ERCC6: variants seen among roughly 807,000 people sequenced by gnomAD.
ERCC6 encodes ERCC excision repair 6, chromatin remodeling factor, also known as DNA excision repair protein ERCC-6.
A neutral mutation model predicts 158.7 loss-of-function variants in ERCC6; 116 were observed. That is an observed-to-expected ratio of 0.73 (90% confidence interval 0.63 to 0.85). The LOEUF is 0.85. Among genes scored for constraint, ERCC6 ranks in the 40% least tolerant of loss-of-function variants. The probability of loss-of-function intolerance (pLI) is 0.00; values close to 1 mark genes in which losing one functional copy is unlikely to be tolerated. For synonymous variants in ERCC6, 678 were observed against 659.3 expected, an observed-to-expected ratio of 1.03 and a Z score of -0.43; for missense variants, 1,698 against 1,799.4, an observed-to-expected ratio of 0.94 and a Z score of 1.02.
At chr10:49,482,568 C>T in intron 10 of ERCC6, 119 bp downstream of exon 10, 1 of 668,398 alleles carries the variant, frequency 1.5e-6, no homozygotes, top group East Asian at 3.1e-5. Context: ...AACCAGATAC[C>T]AATTTATGAG....
chr10:49,436,314 C>G, the ERCC6 span, among the ~76,000 whole-genome samples: 1 of 151,996 alleles, frequency 6.6e-6, no homozygotes, highest in Non-Finnish European at 1.5e-5. Flanking sequence ...ACAGCAAACA[C>G]TAGCAATAAA....
chr10:49,459,823 C>T (rs1285244398), intron 20 of ERCC6, among the ~76,000 whole-genome samples: 3 of 152,150 alleles, frequency 2.0e-5, no homozygotes, highest in Non-Finnish European at 2.9e-5. Flanking sequence ...AACATGTTCA[C>T]ATTAACTTAA....
At chr10:49,501,028 TG>T (rs1446532773) in intron 6 of ERCC6, 1 of 267,478 alleles carries the variant, frequency 3.7e-6, no homozygotes, top group South Asian at 4.6e-5. Flanking sequence ...ACTCACTTTC[TG>T]GGGGAAAAAA....
At chr10:49,534,244 G>A (rs890553752) in intron 1 of ERCC6, among the ~76,000 whole-genome samples, 12 of 149,280 alleles carry the variant, frequency 8.0e-5, no homozygotes, top group African/African-American at 3.0e-4. Context: ...ATCCAATACA[G>A]ACAAGGAGAA....
rs753553933 is a variant in ERCC6, at chr10:49,459,170, T to C, written c.4127A>G (p.Asp1376Gly). The C allele has an allele frequency of 3.1e-6, 5 of 1,614,104 alleles. No individual in the cohort carries two copies. In the African/African-American group the frequency reaches 6.7e-5, roughly 22 times the overall value. ...GAGGGGCCCGGATGAAGAGTCTGCATCTTCTGCTCTTCCACTAAAATGCTC... is the reference window on the plus strand; with the variant it reads ...GAGGGGCCCGGATGAAGAGTCTGCACCTTCTGCTCTTCCACTAAAATGCTC... Reference protein sequence around the residue: ...VPEHFSGRAEDADSSSGPLAS... With the variant: ...VPEHFSGRAEGADSSSGPLAS... The change falls in exon 21 of 21, where the codon GAT becomes GGT. Residue 1376 changes from aspartate (D) to glycine (G), a missense_variant. By Grantham distance (94) the Asp-to-Gly change is moderately conservative. Coordinates refer to ENST00000355832, the MANE Select transcript of ERCC6 (RefSeq NM_000124.4).
intron 8 of ERCC6, 69 bp downstream of exon 8, chr10:49,493,048 G>C: frequency 6.5e-7 from 1 of 1,544,134 alleles, no homozygotes; most frequent in Non-Finnish European, 8.9e-7. Flanking sequence ...ACATGGATCA[G>C]AGAAAAACCA....
chr10:49,448,006 A>G, the ERCC6 span, among the ~76,000 whole-genome samples: 3 of 152,338 alleles, frequency 2.0e-5, no homozygotes, highest in East Asian at 3.9e-4. Context: ...GAATATTCAC[A>G]TACAAGTATT....
chr10:49,445,423 T>C, the ERCC6 span, among the ~76,000 whole-genome samples: 1 of 152,162 alleles, frequency 6.6e-6, no homozygotes, highest in Non-Finnish European at 1.5e-5. Context: ...TTGGTATATC[T>C]AGAAAATATG....
chr10:49,519,938 C>T (rs757647051), intron 5 of ERCC6, among the ~76,000 whole-genome samples: 5 of 152,168 alleles, frequency 3.3e-5, no homozygotes, highest in Non-Finnish European at 7.4e-5. Flanking sequence ...CAGGCCCCTA[C>T]CCTCTGAAGG....
intron 8 of ERCC6, among the ~76,000 whole-genome samples, chr10:49,484,278 C>CAAAAAA (rs60365716): frequency 2.1e-5 from 2 of 96,062 alleles, no homozygotes; most frequent in African/African-American, 4.6e-5. Flanking sequence ...GACTCTGCCT[C>CAAAAAA]AAAAAAAAAA....
At position 49,538,730 on chromosome 10, in the gene ERCC6, C is replaced by G. The variant is rs4253008; in HGVS notation, c.-15+232G>C. On this transcript the variant is annotated intron_variant, in intron 1 of 20. Coordinates refer to ENST00000355832, the MANE Select transcript of ERCC6 (RefSeq NM_000124.4). The stretch of plus-strand genomic sequence containing the variant: ...GTCGGAGAAGTAGCTGGGTCGCTGG[C>G]CGGCCAGGGACTCAAGCCGCCTCAG... Among the ~76,000 whole-genome samples the G allele has an allele frequency of 0.041, 6,288 of 152,300 alleles. 165 individuals carry two copies. The highest frequency in any genetic ancestry group is 0.078 in the Middle Eastern group (23 of 294).
intron 5 of ERCC6, among the ~76,000 whole-genome samples, chr10:49,510,244 T>C (rs1429199484): frequency 6.6e-6 from 1 of 152,174 alleles, no homozygotes; most frequent in African/African-American, 2.4e-5. Flanking sequence ...CCCTGAAAGC[T>C]AGTTGCTGCC....
At chr10:49,517,998 G>T (rs1837035865) in intron 5 of ERCC6, among the ~76,000 whole-genome samples, 1 of 152,134 alleles carries the variant, frequency 6.6e-6, no homozygotes, top group Non-Finnish European at 1.5e-5. Context: ...TTAAAAAAAA[G>T]GCACAATCAA....
In ERCC6 at chr10:49,470,403, T is replaced by C. The variant is rs1850754005; in HGVS notation, c.3557A>G (p.Lys1186Arg). 6.2e-7 allele frequency: 1 copy of C among 1,614,092 alleles called. No homozygotes were observed. Among genetic ancestry groups the C allele is most frequent in the Admixed American group, 1.7e-5 (1 of 60,008 alleles). ...CTCTTCTTCTGCCACACTATGATGT[T>C]TTGTTTTTGACTTGTGCTTATAAAA... Reference protein sequence around the residue: ...NNFYKHKSKTKHHSVAEEETL... With the variant: ...NNFYKHKSKTRHHSVAEEETL... Residue 1186 changes from lysine (K) to arginine (R), a missense_variant, in exon 18 of 21, where the codon AAA becomes AGA. By Grantham distance (26) the Lys-to-Arg change is conservative. Transcript: ENST00000355832.
the ERCC6 span, among the ~76,000 whole-genome samples, chr10:49,437,794 G>A: frequency 6.6e-6 from 1 of 152,240 alleles, no homozygotes; most frequent in Admixed American, 6.5e-5. Flanking sequence ...CAAACCTCCA[G>A]CATGAGATCA....
chr10:49,473,350 C>T lies in ERCC6; in HGVS notation c.2709+127G>A, dbSNP rs1189994923. Reference sequence around the variant, plus strand: ...GCATAGAGTTAAAAACAACAAGTCTCCCCTTAGGCCCCCTCCCAAGCCCAG... The same window carrying T: ...GCATAGAGTTAAAAACAACAAGTCTTCCCTTAGGCCCCCTCCCAAGCCCAG... On this transcript the variant is annotated intron_variant, in intron 14 of 20. Coordinates refer to ENST00000355832, the MANE Select transcript of ERCC6 (RefSeq NM_000124.4). The T allele has an allele frequency of 5.0e-6, 4 of 793,356 alleles. No individual in the cohort carries two copies. In the African/African-American group the frequency reaches 5.1e-5, roughly 10 times the overall value. The allele number at this position is 793,356 out of a possible 1,614,324, so 49.1% of individuals were successfully genotyped here. A position where few individuals can be genotyped will look rare whatever the true frequency, so the allele number is the denominator to read the frequency against.
chr10:49,527,530 G>T (rs1371272513), intron 4 of ERCC6, among the ~76,000 whole-genome samples: 1 of 152,134 alleles, frequency 6.6e-6, no homozygotes, highest in Non-Finnish European at 1.5e-5. Flanking sequence ...CAAAAAATTA[G>T]CTGGGCATGG....
At chr10:49,486,137 C>G (rs1450687794) in intron 8 of ERCC6, among the ~76,000 whole-genome samples, 1 of 152,100 alleles carries the variant, frequency 6.6e-6, no homozygotes, top group Non-Finnish European at 1.5e-5. Context: ...AAACGCACAG[C>G]AATAAACACA....
intron 18 of ERCC6, among the ~76,000 whole-genome samples, chr10:49,469,804 C>A (rs1037204095): frequency 6.6e-6 from 1 of 152,176 alleles, no homozygotes; most frequent in African/African-American, 2.4e-5. Context: ...CTGTCTCTAG[C>A]CACACGCTTG....
Sources: gnomAD v4.1 joint callset for allele counts (sites outside exome capture counted in the v4.1 genomes callset) on GRCh38, gnomAD v4.1.1 for gene constraint, MANE v1.5 for transcripts, NCBI Gene and HGNC (gene_info 2026-07-23, HGNC 2026-07-21) for gene names.